Variants in LRPPRC observed in about 807,000 individuals in gnomAD.
LRPPRC encodes leucine rich pentatricopeptide repeat containing, also known as leucine-rich PPR motif-containing protein, mitochondrial.
LRPPRC carries 120 observed loss-of-function variants against 180.3 expected under a neutral mutation model. That is an observed-to-expected ratio of 0.67 (90% CI 0.57 to 0.77). The LOEUF (loss-of-function observed/expected upper bound fraction) is 0.77. LRPPRC is among the 30% of genes least tolerant of loss of function. The pLI is 0.00. For missense variants in LRPPRC, 2,012 were observed against 1,657.2 expected, an observed-to-expected ratio of 1.21 and a Z score of -3.72; for synonymous variants, 723 against 600.0, an observed-to-expected ratio of 1.21 and a Z score of -3.00.
chr2:43,971,337 A>G (rs1005731132), intron 11 of LRPPRC, among the ~76,000 whole-genome samples: 3 of 151,908 alleles, frequency 2.0e-5, no homozygotes, highest in African/African-American at 7.3e-5. Flanking sequence ...ACAGAGATAA[A>G]TACTAGTAAG....
chr2:43,994,201 G>A (rs1032572983), intron 1 of LRPPRC, among the ~76,000 whole-genome samples: 1 of 152,190 alleles, frequency 6.6e-6, no homozygotes, highest in African/African-American at 2.4e-5. Context: ...TGTGCTCAGA[G>A]GCATGATTTC....
intron 19 of LRPPRC, 128 bp downstream of exon 19, chr2:43,947,603 A>C (rs1672736147): frequency 2.8e-6 from 2 of 703,110 alleles, no homozygotes; most frequent in Non-Finnish European, 5.1e-6. Flanking sequence ...AACAGGTTTT[A>C]CCAACTTCTT....
At chr2:43,941,837 T>TA (rs35278650) in intron 23 of LRPPRC, among the ~76,000 whole-genome samples, 2,907 of 92,764 alleles carry the variant, frequency 0.031, 71 homozygotes, top group African/African-American at 0.077. Flanking sequence ...CAAAGTAGTC[T>TA]AAAAAAAAAA....
At chr2:43,925,999 G>C in intron 25 of LRPPRC, 38 bp from the exon 26 acceptor site, 1 of 1,192,566 alleles carries the variant, frequency 8.4e-7, no homozygotes, top group Non-Finnish European at 1.3e-6. Flanking sequence ...CCAAGGTAAG[G>C]CTTCGGCTGA....
chr2:43,918,513 C>T, intron 27 of LRPPRC, 115 bp from the exon 28 acceptor site: 1 of 863,296 alleles, frequency 1.2e-6, no homozygotes, highest in African/African-American at 1.7e-5. Flanking sequence ...CAAATGCTGC[C>T]TTTAGGGAAA....
intron 1 of LRPPRC, among the ~76,000 whole-genome samples, chr2:43,991,444 T>C (rs1423874730): frequency 6.6e-6 from 1 of 152,332 alleles, no homozygotes; most frequent in East Asian, 1.9e-4. Flanking sequence ...AAGAACAATA[T>C]GTAATTTTCA....
chr2:43,982,807 T>G (rs933558628), intron 1 of LRPPRC, among the ~76,000 whole-genome samples: 1 of 152,204 alleles, frequency 6.6e-6, no homozygotes, highest in Non-Finnish European at 1.5e-5. Flanking sequence ...GCTCTTCTCA[T>G]CTCTGTAAAT....
intron 2 of LRPPRC, 88 bp from the exon 3 acceptor site, chr2:43,980,036 A>G: frequency 7.5e-7 from 1 of 1,329,668 alleles, no homozygotes; most frequent in Non-Finnish European, 1.1e-6. Context: ...ATCTATAAGC[A>G]TTCAAAAATC....
chr2:43,953,443 G>A (rs1672982232), intron 14 of LRPPRC, among the ~76,000 whole-genome samples: 1 of 152,146 alleles, frequency 6.6e-6, no homozygotes, highest in Non-Finnish European at 1.5e-5. Flanking sequence ...ACTATGTCAA[G>A]AATAAAGACA....
chr2:43,943,404 C>T (rs1672556020), intron 23 of LRPPRC, among the ~76,000 whole-genome samples: 4 of 151,992 alleles, frequency 2.6e-5, no homozygotes, highest in Admixed American at 2.6e-4. Flanking sequence ...TTATTAATAA[C>T]ACTTATCAGG....
chr2:43,917,973 T>C, intron 29 of LRPPRC, 52 bp downstream of exon 29: 1 of 1,315,580 alleles, frequency 7.6e-7, no homozygotes, highest in Non-Finnish European at 1.1e-6. Context: ...CACACTGCTA[T>C]TAGAAAGAAG....
At chr2:43,911,803 G>A (rs909572465) in intron 30 of LRPPRC, among the ~76,000 whole-genome samples, 16 of 151,668 alleles carry the variant, frequency 1.1e-4, no homozygotes, top group African/African-American at 2.9e-4. Context: ...GTGGGATTAC[G>A]GGCATGAGCC....
At chr2:43,927,309 C>A (rs1230922182) in intron 25 of LRPPRC, among the ~76,000 whole-genome samples, 1 of 152,218 alleles carries the variant, frequency 6.6e-6, no homozygotes, top group African/African-American at 2.4e-5. Flanking sequence ...CATTGTACAA[C>A]GTTAAATTAA....
chr2:43,948,012 T>C, intron 18 of LRPPRC, 110 bp downstream of exon 18: 7 of 803,136 alleles, frequency 8.7e-6, no homozygotes, highest in South Asian at 4.5e-5. Flanking sequence ...ATGGCTGTCA[T>C]TGAAACAAAT....
At chr2:43,993,030 G>A (rs1347783459) in intron 1 of LRPPRC, among the ~76,000 whole-genome samples, 1 of 152,134 alleles carries the variant, frequency 6.6e-6, no homozygotes, top group Non-Finnish European at 1.5e-5. Context: ...ACAGAAGCAA[G>A]AGGAATCAAG....
rs1017943108 is a variant in LRPPRC at position 43,892,208 on chromosome 2, C to T, written c.3986-2332G>A. On this transcript the variant is annotated intron_variant, in intron 36 of 37. Transcript: ENST00000260665. ...AGGCGGCTACACTAAACAACAGATACTCCATGTAGATAAAACAGTCTTATA... is the reference window on the plus strand; with the variant it reads ...AGGCGGCTACACTAAACAACAGATATTCCATGTAGATAAAACAGTCTTATA... Among the ~76,000 whole-genome samples the T allele has an allele frequency of 2.0e-5, 3 of 152,228 alleles. No individual in the cohort carries two copies. In the South Asian group the frequency reaches 6.2e-4, roughly 32 times the overall value.
At chr2:43,980,028 C>G in intron 2 of LRPPRC, 80 bp from the exon 3 acceptor site, 1 of 1,382,598 alleles carries the variant, frequency 7.2e-7, no homozygotes. Flanking sequence ...AAACAGAAAT[C>G]TATAAGCATT....
intron 31 of LRPPRC, 130 bp from the exon 32 acceptor site, chr2:43,901,654 A>G: frequency 1.5e-6 from 1 of 677,676 alleles, no homozygotes; most frequent in Non-Finnish European, 2.6e-6. Flanking sequence ...TTAATTTTAG[A>G]TTACAGAAAA....
At position 43,948,570 on chromosome 2, in the gene LRPPRC, T is replaced by C. The variant is rs746164244; in HGVS notation, c.1736-52A>G. The C allele has an allele frequency of 5.6e-6, 5 of 888,114 alleles. 1 individual carries two copies. The South Asian group carries it at 6.6e-5, about 12-fold the overall frequency. 55.0% of individuals were successfully genotyped at this position (888,114 alleles called of 1,614,324 possible). A position where few individuals can be genotyped will look rare whatever the true frequency, so the allele number is the denominator to read the frequency against. The stretch of plus-strand genomic sequence containing the variant: ...TCCACTAAAATTACCGAGACTGTCA[T>C]GTTATCAAGATTAATTTATAAGAAA... On this transcript the variant is annotated intron_variant, in intron 16 of 37. Transcript: ENST00000260665.
Sources: gnomAD v4.1 joint callset for allele counts (sites outside exome capture counted in the v4.1 genomes callset) on GRCh38, gnomAD v4.1.1 for gene constraint, MANE v1.5 for transcripts, NCBI Gene and HGNC (gene_info 2026-07-23, HGNC 2026-07-21) for gene names.